The following FMR1NB variants were observed in gnomAD, a reference collection of about 807,000 sequenced individuals.
The protein encoded by FMR1NB is FMR1 neighbor protein.
Under a neutral mutation model 16.8 loss-of-function variants are expected in FMR1NB, and 10 were observed. That is an observed-to-expected ratio of 0.60 (90% confidence interval 0.37 to 1.01). FMR1NB has a LOEUF of 1.01. Ranked by LOEUF, FMR1NB falls within the 50% of genes least tolerant of loss-of-function variation. The probability of loss-of-function intolerance (pLI) is 0.01; values close to 1 mark genes in which losing one functional copy is unlikely to be tolerated. For synonymous variants in FMR1NB, 83 were observed against 79.1 expected (o/e 1.05, Z -0.26); for missense variants, 205 against 204.8 (o/e 1.00, Z 0.00).
Position 147,996,295 on chromosome X carries a change from C to G in FMR1NB, c.278-6906C>G, listed in dbSNP as rs782429312. ...GTATTAAGCCCTTCACATGTGACTT[C>G]ATTTAATCCTCATAACACTTCAAAA... On this transcript the variant is annotated intron_variant, in intron 1 of 5. Coordinates refer to ENST00000370467, the MANE Select transcript of FMR1NB (RefSeq NM_152578.3). Among the ~76,000 whole-genome samples, 9 of 112,002 alleles carry G rather than the reference C, an allele frequency of 8.0e-5. No individual in the cohort carries two copies. In the East Asian group the frequency reaches 2.5e-3, roughly 31 times the overall value.
chrX:148,024,830 G>A, intron 4 of FMR1NB, 35 bp from the exon 5 acceptor site: 1 of 1,198,878 alleles, frequency 8.3e-7, no homozygotes, highest in East Asian at 3.0e-5. Context: ...TCACTAATGA[G>A]AAATAAGGTT....
At chrX:147,985,086 G>A (rs1447964110) in intron 1 of FMR1NB, among the ~76,000 whole-genome samples, 5 of 111,303 alleles carry the variant, frequency 4.5e-5, no homozygotes, top group African/African-American at 1.6e-4. Flanking sequence ...GTATTTTGTA[G>A]GAGAATTTTC....
At chrX:147,981,703 A>C (rs1333539874) in intron 1 of FMR1NB, 24 bp downstream of exon 1, 1 of 459,282 alleles carries the variant, frequency 2.2e-6, no homozygotes, top group African/African-American at 4.1e-5. Flanking sequence ...CAGGCCAGGC[A>C]GGGAAATGCT....
intron 4 of FMR1NB, among the ~76,000 whole-genome samples, chrX:148,017,603 G>GT (rs1377642974): frequency 2.8e-5 from 3 of 106,588 alleles, no homozygotes; most frequent in Non-Finnish European, 5.8e-5. Flanking sequence ...TGTGCACAAT[G>GT]TGCAGGTTAG....
chrX:147,985,781 A>G (rs782302664), intron 1 of FMR1NB, among the ~76,000 whole-genome samples: 7 of 112,149 alleles, frequency 6.2e-5, no homozygotes, highest in Admixed American at 9.4e-5. Context: ...ATAAACATAC[A>G]TGTGCATGTG....
intron 2 of FMR1NB, among the ~76,000 whole-genome samples, chrX:148,005,000 C>T (rs186936305): frequency 8.9e-6 from 1 of 112,401 alleles, no homozygotes; most frequent in Admixed American, 9.4e-5. Context: ...AGCAATTCTC[C>T]TACCTCAGCC....
intron 1 of FMR1NB, among the ~76,000 whole-genome samples, chrX:147,994,373 T>C (rs1375949722): frequency 8.9e-6 from 1 of 112,814 alleles, no homozygotes. Context: ...TATGCTGTTT[T>C]ATCAATTATT....
At chrX:147,998,849 G>A (rs1371602015) in intron 1 of FMR1NB, among the ~76,000 whole-genome samples, 5 of 112,107 alleles carry the variant, frequency 4.5e-5, no homozygotes, top group African/African-American at 1.3e-4. Flanking sequence ...TTCAGAGTAC[G>A]GAAGAAACCA....
intron 1 of FMR1NB, among the ~76,000 whole-genome samples, chrX:147,991,056 C>T (rs1264339313): frequency 9.0e-6 from 1 of 111,306 alleles, no homozygotes; most frequent in African/African-American, 3.3e-5. Flanking sequence ...CACCTTCCAT[C>T]ACAGAGTCCT....
intron 1 of FMR1NB, among the ~76,000 whole-genome samples, chrX:147,996,437 C>T (rs782677384): frequency 5.4e-5 from 6 of 110,932 alleles, no homozygotes; most frequent in African/African-American, 2.0e-4. Context: ...CTGTTTGAGG[C>T]CAACACCCAG....
intron 1 of FMR1NB, among the ~76,000 whole-genome samples, chrX:147,996,359 C>T (rs1236799849): frequency 9.0e-6 from 1 of 111,498 alleles, no homozygotes; most frequent in Non-Finnish European, 1.9e-5. Context: ...ACTGAGGCAA[C>T]GAGAAGTTTA....
intron 1 of FMR1NB, among the ~76,000 whole-genome samples, chrX:147,992,959 C>T (rs1164404448): frequency 9.5e-6 from 1 of 104,873 alleles, no homozygotes; most frequent in Non-Finnish European, 1.9e-5. Flanking sequence ...AGGGGCTCCT[C>T]ACATCCCAGA....
At position 148,025,011 on chromosome X, in the gene FMR1NB, A is replaced by T. The variant is rs782174951; in HGVS notation, c.*11A>T. The T allele has an allele frequency of 1.5e-5, 18 of 1,206,067 alleles. No individual in the cohort carries two copies. The Admixed American group carries it at 3.3e-4, about 22-fold the overall frequency. On this transcript the variant is annotated splice_region_variant and 3_prime_UTR_variant, in exon 5 of 6. Coordinates refer to ENST00000370467, the MANE Select transcript of FMR1NB (RefSeq NM_152578.3). The stretch of plus-strand genomic sequence containing the variant: ...CATGGTGACGAGTAGCAAGAGACCA[A>T]AGGTAATTGACAATAGGATATAAAG...
chrX:148,016,058 A>T (rs2044647890), intron 4 of FMR1NB, among the ~76,000 whole-genome samples: 1 of 111,017 alleles, frequency 9.0e-6, no homozygotes, highest in South Asian at 3.7e-4. Context: ...TTATGTGGTG[A>T]CTGTCTTTGT....
chrX:147,985,202 G>C (rs2044470014), intron 1 of FMR1NB, among the ~76,000 whole-genome samples: 1 of 111,731 alleles, frequency 9.0e-6, no homozygotes, highest in Non-Finnish European at 1.9e-5. Context: ...AAGAAGTATT[G>C]TTGCTGGAAG....
At chrX:148,012,947 G>A (rs1181567435) in intron 4 of FMR1NB, among the ~76,000 whole-genome samples, 1 of 111,704 alleles carries the variant, frequency 9.0e-6, no homozygotes, top group African/African-American at 3.2e-5. Context: ...GAAGTTCCTA[G>A]GATTATATAC....
intron 4 of FMR1NB, among the ~76,000 whole-genome samples, chrX:148,014,176 G>A (rs1364175017): frequency 9.0e-6 from 1 of 111,243 alleles, no homozygotes; most frequent in Non-Finnish European, 1.9e-5. Context: ...TCTTATAGGA[G>A]AGACACCATC....
At chrX:148,008,768 A>G (rs2044609524) in intron 4 of FMR1NB, 57 bp downstream of exon 4, 1 of 1,003,371 alleles carries the variant, frequency 1.0e-6, no homozygotes, top group South Asian at 2.1e-5. Context: ...GTATTTGTGT[A>G]TAGACATATT....
chrX:148,000,046 T>A (rs1316814149), intron 1 of FMR1NB, among the ~76,000 whole-genome samples: 1 of 111,550 alleles, frequency 9.0e-6, no homozygotes, highest in Non-Finnish European at 1.9e-5. Context: ...ACATTTATAA[T>A]AGAGTTCATT....
Sources: gnomAD v4.1 joint callset for allele counts (sites outside exome capture counted in the v4.1 genomes callset) on GRCh38, gnomAD v4.1.1 for gene constraint, MANE v1.5 for transcripts, NCBI Gene and HGNC (gene_info 2026-07-23, HGNC 2026-07-21) for gene names.